CORO2B: variants seen among roughly 807,000 people sequenced by gnomAD.
The protein encoded by CORO2B is coronin 2B.
CORO2B carries 26 observed loss-of-function variants against 58.8 expected under a neutral mutation model. That is an observed-to-expected ratio of 0.44 (90% CI 0.32 to 0.61). The LOEUF (loss-of-function observed/expected upper bound fraction) is 0.61. CORO2B is among the 20% of genes least tolerant of loss of function. The pLI, the probability that CORO2B is intolerant of heterozygous loss-of-function variation, is 0.04. For synonymous variants in CORO2B, 242 were observed against 253.8 expected (o/e 0.95, Z 0.44); for missense variants, 460 against 645.1 (o/e 0.71, Z 3.11).
intron 3 of CORO2B, among the ~76,000 whole-genome samples, chr15:68,705,134 G>A (rs1451968740): frequency 6.6e-6 from 1 of 152,142 alleles, no homozygotes; most frequent in Non-Finnish European, 1.5e-5. Flanking sequence ...TCCCAGTAAT[G>A]TATTCAATGT....
intron 2 of CORO2B, among the ~76,000 whole-genome samples, chr15:68,648,519 G>C (rs1300110465): frequency 2.7e-5 from 4 of 149,474 alleles, no homozygotes; most frequent in African/African-American, 9.9e-5. Flanking sequence ...GTCTGGTGGC[G>C]GGCGCCTGTA....
chr15:68,633,545 A>T (rs1459756109), intron 1 of CORO2B, among the ~76,000 whole-genome samples: 1 of 150,768 alleles, frequency 6.6e-6, no homozygotes, highest in Non-Finnish European at 1.5e-5. Context: ...ACACACACAC[A>T]CTCACTCCTT....
chr15:68,695,495 T>C (rs1188730986), intron 3 of CORO2B, among the ~76,000 whole-genome samples: 1 of 152,184 alleles, frequency 6.6e-6, no homozygotes, highest in Non-Finnish European at 1.5e-5. Context: ...GAGGTGTTGC[T>C]TTTGTAGGTG....
At chr15:68,669,034 C>A (rs756288580) in intron 2 of CORO2B, among the ~76,000 whole-genome samples, 4 of 149,692 alleles carry the variant, frequency 2.7e-5, no homozygotes, top group Non-Finnish European at 5.9e-5. Context: ...GCCAAGACCA[C>A]ACCACTGCAC....
At chr15:68,681,990 C>T (rs1039816863) in intron 2 of CORO2B, among the ~76,000 whole-genome samples, 3 of 152,164 alleles carry the variant, frequency 2.0e-5, no homozygotes, top group African/African-American at 2.4e-5. Context: ...AAGACAGCTC[C>T]GGAGGGCCCA....
intron 8 of CORO2B, 36 bp from the exon 9 acceptor site, chr15:68,718,661 CT>C: frequency 6.4e-7 from 1 of 1,552,754 alleles, no homozygotes; most frequent in Non-Finnish European, 8.9e-7. Context: ...GACGCAGTTT[CT>C]GGGACCCCAT....
intron 3 of CORO2B, among the ~76,000 whole-genome samples, chr15:68,697,581 G>A (rs1416636445): frequency 1.3e-5 from 2 of 152,182 alleles, no homozygotes; most frequent in Admixed American, 6.5e-5. Flanking sequence ...GAGGGCTCCT[G>A]AGAGTGGCAG....
At chr15:68,618,438 G>C (rs537131677) in intron 1 of CORO2B, among the ~76,000 whole-genome samples, 1 of 152,352 alleles carries the variant, frequency 6.6e-6, no homozygotes, top group South Asian at 2.1e-4. Flanking sequence ...CACTTGAGCT[G>C]AGTCCAGATG....
At chr15:68,703,019 G>T (rs1429501644) in intron 3 of CORO2B, among the ~76,000 whole-genome samples, 2 of 150,734 alleles carry the variant, frequency 1.3e-5, no homozygotes, top group Non-Finnish European at 2.9e-5. Flanking sequence ...TAGAGACGGG[G>T]TTTCACCATG....
intron 1 of CORO2B, chr15:68,616,499 T>G (rs1595970000): frequency 9.2e-6 from 9 of 979,618 alleles, no homozygotes; most frequent in Non-Finnish European, 1.1e-5. Context: ...TTTACTGCCA[T>G]GCTCCACTCC....
At chr15:68,560,589 G>A in the CORO2B span, among the ~76,000 whole-genome samples, 1 of 152,110 alleles carries the variant, frequency 6.6e-6, no homozygotes, top group Non-Finnish European at 1.5e-5. Flanking sequence ...CTGAGCCACC[G>A]CGCCCAGCCT....
the CORO2B span, among the ~76,000 whole-genome samples, chr15:68,546,764 T>A: frequency 0.77 from 116,991 of 152,136 alleles, 45,255 homozygotes; most frequent in East Asian, 0.98. Context: ...TGTCTTATGA[T>A]GACCTTTTCT....
chr15:68,570,380 T>C, the CORO2B span, among the ~76,000 whole-genome samples: 1 of 152,238 alleles, frequency 6.6e-6, no homozygotes, highest in Non-Finnish European at 1.5e-5. Flanking sequence ...TTTTCTTTTC[T>C]TGTGATGTCT....
the CORO2B span, among the ~76,000 whole-genome samples, chr15:68,523,141 G>A: frequency 6.6e-6 from 1 of 151,484 alleles, no homozygotes; most frequent in African/African-American, 2.4e-5. Context: ...TTCTTGGGTC[G>A]GCCACTCATT....
rs557040941 is a variant in CORO2B at position 68,698,916 on chromosome 15, C to T, written c.333+3660C>T. Among the ~76,000 whole-genome samples, 32 of 152,192 alleles carry T rather than the reference C, an allele frequency of 2.1e-4. 2 individuals carry two copies. In the South Asian group the frequency reaches 6.6e-3, roughly 32 times the overall value. On this transcript the variant is annotated intron_variant, in intron 3 of 11. Coordinates refer to ENST00000261861, the MANE Select transcript of CORO2B (RefSeq NM_006091.5). ...TGGTGCAGAATGAGGTCATTGCATC[C>T]ACCAAGGTCAAGCAAAGGGCTATGC...
At chr15:68,658,375 C>T (rs2140284399) in intron 2 of CORO2B, among the ~76,000 whole-genome samples, 1 of 152,382 alleles carries the variant, frequency 6.6e-6, no homozygotes, top group Middle Eastern at 3.4e-3. Context: ...CTCGTCCCCG[C>T]CTGCCATCTG....
intron 1 of CORO2B, among the ~76,000 whole-genome samples, chr15:68,598,357 AG>A (rs976597176): frequency 5.9e-5 from 9 of 152,172 alleles, no homozygotes; most frequent in Admixed American, 3.9e-4. Context: ...GTGCTTTGGT[AG>A]GGGGTGGAGA....
At chr15:68,660,061 A>G (rs1317884927) in intron 2 of CORO2B, among the ~76,000 whole-genome samples, 1 of 152,186 alleles carries the variant, frequency 6.6e-6, no homozygotes, top group Non-Finnish European at 1.5e-5. Context: ...CCCTCAGTGT[A>G]ACTTTACAGA....
At chr15:68,526,123 T>C in the CORO2B span, among the ~76,000 whole-genome samples, 2 of 152,236 alleles carry the variant, frequency 1.3e-5, no homozygotes, top group African/African-American at 2.4e-5. Context: ...TGGTTGAGCA[T>C]GATTCCATTA....
Sources: gnomAD v4.1 joint callset for allele counts (sites outside exome capture counted in the v4.1 genomes callset) on GRCh38, gnomAD v4.1.1 for gene constraint, MANE v1.5 for transcripts, NCBI Gene and HGNC (gene_info 2026-07-23, HGNC 2026-07-21) for gene names.